The following ZNF532 variants were observed in gnomAD, a reference collection of about 807,000 sequenced individuals.
The protein encoded by ZNF532 is zinc finger protein 532.
A neutral mutation model predicts 89.3 loss-of-function variants in ZNF532; 22 were observed. The ratio of observed to expected loss-of-function variants is 0.25; its 90% confidence interval spans 0.18 to 0.35. The LOEUF is 0.35. Ranked by LOEUF, ZNF532 falls within the 10% of genes least tolerant of loss-of-function variation. The pLI, the probability that ZNF532 is intolerant of heterozygous loss-of-function variation, is 1.00. For missense variants in ZNF532, 1,132 were observed against 1,643.4 expected (o/e 0.69, Z 5.38); for synonymous variants, 606 against 649.6 (o/e 0.93, Z 1.02).
At chr18:58,970,781 C>G (rs1405950174) in intron 7 of ZNF532, among the ~76,000 whole-genome samples, 3 of 152,228 alleles carry the variant, frequency 2.0e-5, no homozygotes, top group Non-Finnish European at 4.4e-5. Flanking sequence ...AGTCCCAAAC[C>G]TCTGCTGCAC....
chr18:58,874,821 C>A (rs2057301624), intron 2 of ZNF532, among the ~76,000 whole-genome samples: 1 of 152,150 alleles, frequency 6.6e-6, no homozygotes, highest in Admixed American at 6.5e-5. Context: ...CTGACCCTTT[C>A]CCCCGGCACT....
intron 3 of ZNF532, among the ~76,000 whole-genome samples, chr18:58,928,365 G>A (rs1349178749): frequency 6.6e-6 from 1 of 152,228 alleles, no homozygotes; most frequent in Admixed American, 6.5e-5. Flanking sequence ...CTATGCAGAA[G>A]TAACAATTGC....
chr18:58,927,049 CCTT>C (rs879144157), intron 3 of ZNF532, among the ~76,000 whole-genome samples: 1 of 152,170 alleles, frequency 6.6e-6, no homozygotes, highest in Admixed American at 6.5e-5. Flanking sequence ...AGTATTCCCT[CCTT>C]CAATTTTTCT....
Position 58,976,796 on chromosome 18 carries a change from G to T in ZNF532, c.3151-2259G>T, listed in dbSNP as rs530569030. Among the ~76,000 whole-genome samples the T allele has an allele frequency of 2.0e-5, 3 of 152,294 alleles. No individual in the cohort carries two copies. In the East Asian group the frequency reaches 5.8e-4, roughly 29 times the overall value. ...GATCCAAAGTGCTGGGATTACAGGC[G>T]TGAGCCACTGCGCCCAGCCTCAGTT... On this transcript the variant is annotated intron_variant, in intron 7 of 9. Transcript: ENST00000591808.
chr18:58,901,522 G>A (rs1023395110), intron 2 of ZNF532, among the ~76,000 whole-genome samples: 6 of 152,176 alleles, frequency 3.9e-5, no homozygotes, highest in African/African-American at 1.4e-4. Flanking sequence ...ACTTTTAGGC[G>A]CTTAATATAT....
chr18:58,918,296 G>A lies in ZNF532; in HGVS notation c.9G>A (p.Met3Ile). Residue 3 changes from methionine to isoleucine, a missense_variant, in exon 3 of 10, where the codon ATG (methionine) becomes ATA (isoleucine). Physicochemically the swap from Met to Ile is conservative, Grantham distance 10 (BLOSUM62 1). This residue lies in a region of ZNF532 where 15 missense variants were observed against 43.6 expected (regional missense o/e 0.34). Coordinates refer to ENST00000591808, the MANE Select transcript of ZNF532 (RefSeq NM_001375912.1). Reference sequence around the variant, plus strand: ...AACATCTGCTCAAATTAATGACCATGGGGGATATGAAGACCCCAGACTTTG... The same window carrying A: ...AACATCTGCTCAAATTAATGACCATAGGGGATATGAAGACCCCAGACTTTG... MT[M>I]GDMKTPDFDD... 6.2e-7 allele frequency: 1 copy of A among 1,613,188 alleles called. No homozygotes were observed. The highest frequency in any genetic ancestry group is 8.5e-7 in the Non-Finnish European group (1 of 1,179,476).
At chr18:58,870,348 C>G (rs567162198) in intron 2 of ZNF532, among the ~76,000 whole-genome samples, 1 of 152,246 alleles carries the variant, frequency 6.6e-6, no homozygotes, top group Non-Finnish European at 1.5e-5. Context: ...CCGCCTCATG[C>G]CAAGCGTCCA....
intron 7 of ZNF532, among the ~76,000 whole-genome samples, chr18:58,978,350 GATTTC>G (rs754142042): frequency 1.1e-4 from 17 of 152,114 alleles, no homozygotes; most frequent in Admixed American, 2.0e-4. Context: ...GGTAGCCAGA[GATTTC>G]ATTTAACATG....
intron 2 of ZNF532, among the ~76,000 whole-genome samples, chr18:58,891,268 G>A (rs973987561): frequency 5.9e-5 from 9 of 151,998 alleles, no homozygotes; most frequent in Non-Finnish European, 1.2e-4. Context: ...GGTGGCTCAC[G>A]CCTGTAATCC....
intron 7 of ZNF532, among the ~76,000 whole-genome samples, chr18:58,957,433 A>ATATATG (rs1204694928): frequency 1.4e-5 from 2 of 147,848 alleles, no homozygotes; most frequent in African/African-American, 4.9e-5. Context: ...ATATATATAT[A>ATATATG]TAGAAATAAA....
chr18:58,892,982 C>CTTTTT (rs58108717), intron 2 of ZNF532, among the ~76,000 whole-genome samples: 1 of 135,290 alleles, frequency 7.4e-6, no homozygotes, highest in Non-Finnish European at 1.6e-5. Context: ...TTTGTACTTT[C>CTTTTT]TTTTTTTTTT....
intron 9 of ZNF532, 146 bp from the exon 10 acceptor site, chr18:58,983,826 G>T (rs1452682989): frequency 3.2e-6 from 3 of 934,246 alleles, no homozygotes; most frequent in African/African-American, 1.7e-5. Flanking sequence ...CTCCGGGTGG[G>T]GTGGCAGACA....
At chr18:58,944,538 G>A (rs1415275887) in intron 5 of ZNF532, among the ~76,000 whole-genome samples, 6 of 152,016 alleles carry the variant, frequency 3.9e-5, no homozygotes, top group Non-Finnish European at 4.4e-5. Flanking sequence ...CAGCTACACT[G>A]GGGTTCTCAC....
chr18:58,889,626 C>T (rs2058739560), intron 2 of ZNF532, among the ~76,000 whole-genome samples: 1 of 151,126 alleles, frequency 6.6e-6, no homozygotes, highest in South Asian at 2.1e-4. Context: ...ATGGTGAAAC[C>T]CCCTCTCTAC....
At chr18:58,970,703 C>T (rs780555721) in intron 7 of ZNF532, among the ~76,000 whole-genome samples, 1 of 152,322 alleles carries the variant, frequency 6.6e-6, no homozygotes, top group East Asian at 1.9e-4. Context: ...GTGGATGGCA[C>T]GAGGGTATTG....
At chr18:58,875,150 C>A (rs1048838691) in intron 2 of ZNF532, among the ~76,000 whole-genome samples, 2 of 152,002 alleles carry the variant, frequency 1.3e-5, no homozygotes, top group Non-Finnish European at 2.9e-5. Flanking sequence ...CCTTTCCCCC[C>A]CCTTTTTTTC....
chr18:58,906,060 C>A (rs1474326253), intron 2 of ZNF532, among the ~76,000 whole-genome samples: 1 of 152,158 alleles, frequency 6.6e-6, no homozygotes, highest in African/African-American at 2.4e-5. Flanking sequence ...GTCCGTGTAA[C>A]TTACCACAGT....
chr18:58,983,244 A>G (rs541220035), intron 9 of ZNF532, among the ~76,000 whole-genome samples: 14 of 152,286 alleles, frequency 9.2e-5, no homozygotes, highest in Non-Finnish European at 1.6e-4. Flanking sequence ...GGGGATTCAG[A>G]GTGGGATTTA....
At position 58,985,812 on chromosome 18, in the gene ZNF532, A is replaced by G. The variant is rs1378687662; in HGVS notation, c.*1346A>G. The G allele has an allele frequency of 7.4e-6, 1 of 135,460 alleles. No individual in the cohort carries two copies. Among genetic ancestry groups the G allele is most frequent in the South Asian group, 2.3e-4 (1 of 4,316 alleles). The allele number at this position is 135,460 out of a possible 1,614,324, so 8.4% of individuals were successfully genotyped here. A position where few individuals can be genotyped will look rare whatever the true frequency, so the allele number is the denominator to read the frequency against. ...AGAAAAGGAATTCTTTTGTGTATATATAGATACTTGCATGATATACTGTAG... is the reference window on the plus strand; with the variant it reads ...AGAAAAGGAATTCTTTTGTGTATATGTAGATACTTGCATGATATACTGTAG... On this transcript the variant is annotated 3_prime_UTR_variant, in exon 10 of 10. Transcript: ENST00000591808.
Sources: gnomAD v4.1 joint callset for allele counts (sites outside exome capture counted in the v4.1 genomes callset) on GRCh38, gnomAD v4.1.1 for gene constraint, gnomAD v4.1.1 regional missense constraint, MANE v1.5 for transcripts, NCBI Gene and HGNC (gene_info 2026-07-23, HGNC 2026-07-21) for gene names.